Variants in EPHA5 observed in about 807,000 individuals in gnomAD.
EPHA5 encodes EPH receptor A5.
EPHA5 carries 60 observed loss-of-function variants against 105.0 expected under a neutral mutation model. That is an observed-to-expected ratio of 0.57 (90% CI 0.46 to 0.71). The LOEUF is 0.71. Ranked by LOEUF, EPHA5 falls within the 30% of genes least tolerant of loss-of-function variation. The pLI is 0.00. For synonymous variants in EPHA5, 513 were observed against 449.1 expected (o/e 1.14, Z -1.80); for missense variants, 1,218 against 1,274.7 (o/e 0.96, Z 0.68).
At chr4:65,341,554 AAT>A (rs923730039) in intron 14 of EPHA5, among the ~76,000 whole-genome samples, 10 of 150,206 alleles carry the variant, frequency 6.7e-5, no homozygotes, top group Non-Finnish European at 1.5e-4. Context: ...ACCATAAATA[AAT>A]AGATATTTAC....
intron 15 of EPHA5, among the ~76,000 whole-genome samples, chr4:65,332,865 G>A (rs1362164844): frequency 6.6e-6 from 1 of 151,834 alleles, no homozygotes; most frequent in East Asian, 1.9e-4. Flanking sequence ...CGACTTCCTA[G>A]AGGAACTTAT....
At chr4:65,346,130 C>A in intron 14 of EPHA5, among the ~76,000 whole-genome samples, 1 of 148,574 alleles carries the variant, frequency 6.7e-6, no homozygotes, top group African/African-American at 2.5e-5. Flanking sequence ...AAAAGTTAAA[C>A]ATTTTTTCAT....
chr4:65,504,281 A>C (rs1336767412), intron 3 of EPHA5, among the ~76,000 whole-genome samples: 1 of 151,048 alleles, frequency 6.6e-6, no homozygotes, highest in Non-Finnish European at 1.5e-5. Flanking sequence ...TATGTACCAG[A>C]TGTCACTCCC....
chr4:65,354,471 G>A (rs984189910), intron 11 of EPHA5, among the ~76,000 whole-genome samples: 2 of 151,540 alleles, frequency 1.3e-5, no homozygotes, highest in African/African-American at 2.4e-5. Flanking sequence ...AGAAACATAT[G>A]ACATAAAACT....
chr4:65,580,368 T>C (rs1052010809), intron 3 of EPHA5, among the ~76,000 whole-genome samples: 3 of 151,882 alleles, frequency 2.0e-5, no homozygotes, highest in African/African-American at 7.2e-5. Flanking sequence ...TGAAACTAAA[T>C]GCTACTTTAA....
chr4:65,454,291 A>T (rs4626261), intron 5 of EPHA5, among the ~76,000 whole-genome samples: 32,433 of 149,688 alleles, frequency 0.22, 3,837 homozygotes, highest in Middle Eastern at 0.33. Context: ...TAATAATAAT[A>T]AATAATAATA....
intron 11 of EPHA5, among the ~76,000 whole-genome samples, chr4:65,356,012 A>G (rs1560447215): frequency 6.6e-6 from 1 of 151,434 alleles, no homozygotes; most frequent in Non-Finnish European, 1.5e-5. Flanking sequence ...GTCACATTAT[A>G]ATAAATTGAA....
intron 3 of EPHA5, among the ~76,000 whole-genome samples, chr4:65,564,466 G>A (rs375764991): frequency 2.9e-4 from 44 of 151,622 alleles, no homozygotes; most frequent in African/African-American, 9.2e-4. Context: ...AGAATTAACC[G>A]CCATACGTTT....
At chr4:65,605,267 G>T (rs1482295503) in intron 2 of EPHA5, among the ~76,000 whole-genome samples, 4 of 152,124 alleles carry the variant, frequency 2.6e-5, no homozygotes, top group African/African-American at 9.7e-5. Flanking sequence ...TCAGAGAAGG[G>T]TCGGGGGAAG....
At chr4:65,355,552 T>A (rs1344168932) in intron 11 of EPHA5, among the ~76,000 whole-genome samples, 2 of 151,596 alleles carry the variant, frequency 1.3e-5, no homozygotes, top group African/African-American at 4.8e-5. Flanking sequence ...CAACCTTTTA[T>A]ATTCATCTGA....
At chr4:65,420,120 A>G (rs1294102349) in intron 6 of EPHA5, among the ~76,000 whole-genome samples, 1 of 152,156 alleles carries the variant, frequency 6.6e-6, no homozygotes, top group Admixed American at 6.6e-5. Context: ...AGCACACTGC[A>G]GTCACTACTG....
At position 65,658,608 on chromosome 4, in the gene EPHA5, A is replaced by G. The variant is rs1357138915; in HGVS notation, c.181+10954T>C. On this transcript the variant is annotated intron_variant, in intron 1 of 16. Coordinates refer to ENST00000613740, the MANE Select transcript of EPHA5 (RefSeq NM_001281766.3). ...CTATATGCTAGAACTTTTATGGAGCACATTATTAATAATAATTCAATCTTT... is the reference window on the plus strand; with the variant it reads ...CTATATGCTAGAACTTTTATGGAGCGCATTATTAATAATAATTCAATCTTT... Among the ~76,000 whole-genome samples, 3 of 152,238 alleles carry G rather than the reference A, an allele frequency of 2.0e-5. No individual in the cohort carries two copies. The East Asian group carries it at 5.8e-4, about 29-fold the overall frequency.
intron 8 of EPHA5, among the ~76,000 whole-genome samples, chr4:65,399,753 G>A (rs1721625920): frequency 6.6e-6 from 1 of 152,136 alleles, no homozygotes; most frequent in African/African-American, 2.4e-5. Flanking sequence ...AAAAAGTGAA[G>A]CTCTGCATGC....
intron 16 of EPHA5, among the ~76,000 whole-genome samples, chr4:65,330,380 C>T (rs533120221): frequency 1.7e-4 from 25 of 151,300 alleles, no homozygotes; most frequent in African/African-American, 5.3e-4. Flanking sequence ...AACTATAATG[C>T]TAAAATATTC....
chr4:65,413,239 T>C (rs1158580020), intron 7 of EPHA5, among the ~76,000 whole-genome samples: 3 of 152,126 alleles, frequency 2.0e-5, no homozygotes, highest in Non-Finnish European at 2.9e-5. Context: ...ACTTCACTCA[T>C]GGATTTTCCT....
chr4:65,523,801 A>G (rs985438762), intron 3 of EPHA5, among the ~76,000 whole-genome samples: 7 of 151,916 alleles, frequency 4.6e-5, no homozygotes, highest in Admixed American at 4.6e-4. Flanking sequence ...AGATTTGAAT[A>G]CATAGGATGC....
chr4:65,465,543 AAGG>A (rs1728622634), intron 5 of EPHA5, among the ~76,000 whole-genome samples: 2 of 55,824 alleles, frequency 3.6e-5, no homozygotes, highest in Admixed American at 2.1e-4. Context: ...AAAGGAAAGG[AAGG>A]AAAGGAAGGA....
At chr4:65,401,904 TGAGAGAGAGA>T (rs34334792) in intron 8 of EPHA5, among the ~76,000 whole-genome samples, 3 of 148,566 alleles carry the variant, frequency 2.0e-5, no homozygotes, top group East Asian at 2.0e-4. Flanking sequence ...TGTGTGTGTG[TGAGAGAGAGA>T]GAGAGAGAGA....
At chr4:65,441,215 A>G (rs909158267) in intron 5 of EPHA5, among the ~76,000 whole-genome samples, 2 of 152,048 alleles carry the variant, frequency 1.3e-5, no homozygotes, top group Admixed American at 1.3e-4. Flanking sequence ...AGTTGGTGAT[A>G]TAAAGTAATT....
Sources: gnomAD v4.1 joint callset for allele counts (sites outside exome capture counted in the v4.1 genomes callset) on GRCh38, gnomAD v4.1.1 for gene constraint, MANE v1.5 for transcripts, NCBI Gene and HGNC (gene_info 2026-07-23, HGNC 2026-07-21) for gene names.